Variants in TTLL5 observed in about 807,000 individuals in gnomAD.
TTLL5 encodes the protein tubulin tyrosine ligase like 5, also known as tubulin polyglutamylase TTLL5.
Under a neutral mutation model 168.4 loss-of-function variants are expected in TTLL5, and 132 were observed. That is an observed-to-expected ratio of 0.78 (90% CI 0.68 to 0.91). The LOEUF is 0.91. TTLL5 is among the 40% of genes least tolerant of loss of function. TTLL5 has a pLI of 0.00. For missense variants in TTLL5, 1,545 were observed against 1,581.5 expected (o/e 0.98, Z 0.39); for synonymous variants, 546 against 558.6 (o/e 0.98, Z 0.32).
intron 15 of TTLL5, among the ~76,000 whole-genome samples, chr14:75,740,899 G>GC (rs1197354460): frequency 2.6e-5 from 4 of 152,060 alleles, no homozygotes; most frequent in Non-Finnish European, 5.9e-5. Flanking sequence ...TTTATTCTTT[G>GC]CATGTGTTCT....
At chr14:75,813,194 C>CTGTG (rs61154954) in intron 27 of TTLL5, among the ~76,000 whole-genome samples, 10,511 of 142,416 alleles carry the variant, frequency 0.074, 439 homozygotes, top group Middle Eastern at 0.094. Flanking sequence ...CTGGAACAAG[C>CTGTG]TGTGTGTGTG....
At chr14:75,898,592 T>C (rs531327482) in intron 30 of TTLL5, among the ~76,000 whole-genome samples, 9 of 152,064 alleles carry the variant, frequency 5.9e-5, no homozygotes, top group Non-Finnish European at 1.3e-4. Context: ...CAGTGAGCTG[T>C]GATTGTGCCA....
chr14:75,737,606 A>C, intron 15 of TTLL5: 9 of 1,535,730 alleles, frequency 5.9e-6, no homozygotes, highest in Non-Finnish European at 7.8e-6. Flanking sequence ...AAGGCCAAGC[A>C]GGTAAGTTCT....
chr14:75,815,921 C>T (rs1424751664), intron 27 of TTLL5, among the ~76,000 whole-genome samples: 1 of 152,156 alleles, frequency 6.6e-6, no homozygotes, highest in African/African-American at 2.4e-5. Context: ...AAATATAAAA[C>T]CCAGAGTGCC....
intron 7 of TTLL5, among the ~76,000 whole-genome samples, chr14:75,701,708 G>A (rs1886288571): frequency 6.6e-6 from 1 of 152,080 alleles, no homozygotes; most frequent in African/African-American, 2.4e-5. Context: ...ACGTCTCCTG[G>A]CCTCACTGTT....
At chr14:75,895,518 G>T (rs2032612053) in intron 30 of TTLL5, among the ~76,000 whole-genome samples, 2 of 150,634 alleles carry the variant, frequency 1.3e-5, no homozygotes, top group East Asian at 1.9e-4. Context: ...ATAAAAAGAG[G>T]TTTTTTTTTA....
At position 75,663,184 on chromosome 14, in the gene TTLL5, C is replaced by T. The variant is rs1890864288; in HGVS notation, c.35C>T (p.Thr12Ile). ...PIVMARDLEETASSSEDEEVI... is the reference protein window; with the variant it reads ...PIVMARDLEEIASSSEDEEVI... ...GTGATGGCCCGGGACCTGGAGGAAACAGCATCATCCTCAGAGGATGAGGAG... is the reference window on the plus strand; with the variant it reads ...GTGATGGCCCGGGACCTGGAGGAAATAGCATCATCCTCAGAGGATGAGGAG... Residue 12 changes from threonine (T) to isoleucine (I), a missense_variant, in exon 2 of 32, where the codon ACA becomes ATA. Thr to Ile is a moderately conservative substitution (Grantham distance 89). Transcript: ENST00000298832. 1.9e-6 allele frequency: 3 copies of T among 1,613,574 alleles called. No individual in the cohort carries two copies. The highest frequency in any genetic ancestry group is 1.3e-5 in the African/African-American group (1 of 74,910).
At chr14:75,828,094 G>A (rs555155114) in intron 28 of TTLL5, among the ~76,000 whole-genome samples, 6 of 152,196 alleles carry the variant, frequency 3.9e-5, no homozygotes, top group Admixed American at 3.9e-4. Context: ...TCAATGATGT[G>A]ACTATAATTT....
At chr14:75,670,881 C>T (rs1883686835) in intron 3 of TTLL5, among the ~76,000 whole-genome samples, 1 of 152,174 alleles carries the variant, frequency 6.6e-6, no homozygotes. Context: ...AGTGTTCTTT[C>T]ATGAGCAAAA....
At chr14:75,732,607 T>C (rs1888616094) in intron 13 of TTLL5, among the ~76,000 whole-genome samples, 188 bp downstream of exon 13, 1 of 152,216 alleles carries the variant, frequency 6.6e-6, no homozygotes, top group Admixed American at 6.5e-5. Flanking sequence ...CAACCATGGA[T>C]CTCTGTCTTC....
chr14:75,732,599 A>G lies in TTLL5; in HGVS notation c.1124+180A>G, dbSNP rs61980790. Among the ~76,000 whole-genome samples, 167 of 152,304 alleles carry G rather than the reference A, an allele frequency of 1.1e-3. 1 individual carries two copies. Among genetic ancestry groups the G allele is most frequent in the Non-Finnish European group, 2.1e-3 (143 of 68,028 alleles). On this transcript the variant is annotated intron_variant, in intron 13 of 31. Coordinates refer to ENST00000298832, the MANE Select transcript of TTLL5 (RefSeq NM_015072.5). The stretch of plus-strand genomic sequence containing the variant: ...GCATAATATCAAAGTGCATATGACA[A>G]CCATGGATCTCTGTCTTCCTAGTCA...
At chr14:75,909,128 C>T (rs552693978) in intron 31 of TTLL5, among the ~76,000 whole-genome samples, 4 of 151,566 alleles carry the variant, frequency 2.6e-5, no homozygotes, top group Admixed American at 6.6e-5. Context: ...CAGGCCCAGG[C>T]GAGAGAGTGC....
At chr14:75,925,168 C>T (rs572083941) in intron 31 of TTLL5, among the ~76,000 whole-genome samples, 3 of 143,368 alleles carry the variant, frequency 2.1e-5, no homozygotes, top group Admixed American at 1.4e-4. Context: ...CCGGACGGGG[C>T]GGCTGGCCTG....
At chr14:75,826,991 A>G (rs1176278559) in intron 28 of TTLL5, among the ~76,000 whole-genome samples, 3 of 152,174 alleles carry the variant, frequency 2.0e-5, no homozygotes, top group Non-Finnish European at 4.4e-5. Flanking sequence ...CTAAGAAATC[A>G]ATGCTCTTTT....
At chr14:75,677,375 T>C (rs1005718996) in intron 3 of TTLL5, among the ~76,000 whole-genome samples, 4 of 149,058 alleles carry the variant, frequency 2.7e-5, no homozygotes, top group African/African-American at 9.9e-5. Flanking sequence ...AGAGATTCTC[T>C]TTCTCTCTCT....
intron 9 of TTLL5, among the ~76,000 whole-genome samples, chr14:75,716,480 CAG>C (rs1212973808): frequency 2.6e-5 from 4 of 152,038 alleles, no homozygotes; most frequent in Admixed American, 6.6e-5. Flanking sequence ...TGAGAAGAAA[CAG>C]AGAAGAGGAA....
chr14:75,886,843 T>A (rs544247640), intron 30 of TTLL5: 1 of 1,528,842 alleles, frequency 6.5e-7, no homozygotes. Context: ...AGAATCATAC[T>A]CTCCAGGAAA....
At chr14:75,760,092 A>G (rs1243668976) in intron 18 of TTLL5, among the ~76,000 whole-genome samples, 1 of 152,136 alleles carries the variant, frequency 6.6e-6, no homozygotes, top group African/African-American at 2.4e-5. Context: ...TCAGGTTAGT[A>G]GAAAATCCTA....
intron 10 of TTLL5, among the ~76,000 whole-genome samples, chr14:75,718,397 G>A (rs73309495): frequency 0.014 from 2,157 of 152,308 alleles, 49 homozygotes; most frequent in African/African-American, 0.049. Flanking sequence ...CACAGGATCA[G>A]TGATAAGAAT....
Sources: allele counts gnomAD v4.1 joint callset (sites outside exome capture counted in the v4.1 genomes callset), GRCh38; gene constraint gnomAD v4.1.1; transcripts MANE v1.5; gene names NCBI Gene and HGNC (gene_info 2026-07-23, HGNC 2026-07-21).